Variants in FUT8 observed in about 807,000 individuals in gnomAD.
The protein encoded by FUT8 is alpha-(1,6)-fucosyltransferase.
FUT8 carries 29 observed loss-of-function variants against 71.3 expected under a neutral mutation model. The ratio of observed to expected loss-of-function variants is 0.41; its 90% CI spans 0.30 to 0.55. The LOEUF is 0.55. FUT8 is among the 20% of genes least tolerant of loss of function. The probability of loss-of-function intolerance (pLI) is 0.34; values close to 1 mark genes in which losing one functional copy is unlikely to be tolerated. For synonymous variants in FUT8, 254 were observed against 239.3 expected (o/e 1.06, Z -0.57); for missense variants, 544 against 702.1 (o/e 0.77, Z 2.55).
At chr14:65,358,916 A>G in the FUT8 span, among the ~76,000 whole-genome samples, 3 of 152,246 alleles carry the variant, frequency 2.0e-5, no homozygotes, top group Admixed American at 6.5e-5. Context: ...AATACTTAAC[A>G]GCATATGGTT....
rs2066071402 is a variant in FUT8 at position 65,467,966 on chromosome 14, G to A, written c.-228+12248G>A. ...TCTTTTTCCGATCATTTTCCTTTAC[G>A]TGTTTCAGGAAGCTATTTTGGCTCT... On this transcript the variant is annotated intron_variant, in intron 2 of 10. Coordinates refer to ENST00000673929, the MANE Select transcript of FUT8 (RefSeq NM_001371533.1). The surrounding 1 kb of genome is among the most constrained non-coding windows in gnomAD (Gnocchi z 4.1). 2.2e-5 allele frequency: 16 copies of A among 712,006 alleles called. No individual in the cohort carries two copies. Among genetic ancestry groups the A allele is most frequent in the South Asian group, 2.8e-5 (2 of 70,688 alleles). The allele number at this position is 712,006 out of a possible 1,614,324, so 44.1% of individuals were successfully genotyped here.
intron 2 of FUT8, among the ~76,000 whole-genome samples, chr14:65,536,686 G>A (rs1488465161): frequency 1.3e-5 from 2 of 152,076 alleles, no homozygotes; most frequent in African/African-American, 4.8e-5. Context: ...CCTTTAACAT[G>A]TTTTCTTTCA....
At chr14:65,562,935 G>C (rs1885990295) in intron 3 of FUT8, among the ~76,000 whole-genome samples, 1 of 151,960 alleles carries the variant, frequency 6.6e-6, no homozygotes, top group African/African-American at 2.4e-5. Flanking sequence ...TACTCTCACT[G>C]CCCTTCACTC....
chr14:65,729,093 A>T (rs1323335772), intron 9 of FUT8, among the ~76,000 whole-genome samples: 1 of 132,480 alleles, frequency 7.5e-6, no homozygotes, highest in South Asian at 2.3e-4. Context: ...TGGTGCAAGC[A>T]TGGCTCACTG....
At chr14:65,718,523 A>G (rs1014079645) in intron 7 of FUT8, among the ~76,000 whole-genome samples, 1 of 152,216 alleles carries the variant, frequency 6.6e-6, no homozygotes, top group Non-Finnish European at 1.5e-5. Context: ...CAGTGTTATA[A>G]AATTATGTGG....
At chr14:65,471,253 A>T in intron 2 of FUT8, 1 of 171,388 alleles carries the variant, frequency 5.8e-6, no homozygotes. Context: ...ATGGGGCTGG[A>T]GTTGGGTATT....
At position 65,472,280 on chromosome 14, in the gene FUT8, C is replaced by T. The variant is rs2066159304; in HGVS notation, c.-228+16562C>T. The stretch of plus-strand genomic sequence containing the variant: ...GAGGGGCCCTGGCTCTTTTTAACAA[C>T]CAGCTCTTGGGGGAACAAATAGAGT... On this transcript the variant is annotated intron_variant, in intron 2 of 10. Coordinates refer to ENST00000673929, the MANE Select transcript of FUT8 (RefSeq NM_001371533.1). This position sits in a 1 kb window ranked among gnomAD's most constrained non-coding sequence, Gnocchi z 4.4. 6.6e-6 allele frequency among the ~76,000 whole-genome samples: 1 copy of T among 151,998 alleles called. No individual in the cohort carries two copies. The highest frequency in any genetic ancestry group is 2.4e-5 in the African/African-American group (1 of 41,392).
intron 3 of FUT8, among the ~76,000 whole-genome samples, chr14:65,573,149 A>G (rs759871534): frequency 6.6e-6 from 1 of 152,004 alleles, no homozygotes; most frequent in Non-Finnish European, 1.5e-5. Flanking sequence ...ATTTATTCTT[A>G]TTTATAGTAT....
Position 65,467,772 on chromosome 14 carries a change from C to A in FUT8, c.-228+12054C>A. The stretch of plus-strand genomic sequence containing the variant: ...TACAGGTGTGAGCCACCGTGCCCAG[C>A]CAGTCTAGAGGTCTTTTATTTTTTT... On this transcript the variant is annotated intron_variant, in intron 2 of 10. Transcript: ENST00000673929. The surrounding 1 kb of genome is among the most constrained non-coding windows in gnomAD (Gnocchi z 4.1). 3.1e-6 allele frequency: 2 copies of A among 641,372 alleles called. No homozygotes were observed. The highest frequency in any genetic ancestry group is 5.9e-6 in the Non-Finnish European group (2 of 340,176). 39.7% of individuals were successfully genotyped at this position (641,372 alleles called of 1,614,324 possible). A position where few individuals can be genotyped will look rare whatever the true frequency, so the allele number is the denominator to read the frequency against.
Position 65,503,227 on chromosome 14 carries a change from C to T in FUT8, c.-228+47509C>T, listed in dbSNP as rs532052706. On this transcript the variant is annotated intron_variant, in intron 2 of 10. Coordinates refer to ENST00000673929, the MANE Select transcript of FUT8 (RefSeq NM_001371533.1). ...TATCACTTGTAATTTTCCTGGAAGGCGTGAGACTGCTTGGTAATTGTGTAC... is the reference window on the plus strand; with the variant it reads ...TATCACTTGTAATTTTCCTGGAAGGTGTGAGACTGCTTGGTAATTGTGTAC... 1.2e-4 allele frequency among the ~76,000 whole-genome samples: 19 copies of T among 152,288 alleles called. 1 individual carries two copies. The South Asian group carries it at 3.3e-3, about 27-fold the overall frequency.
chr14:65,521,251 G>A (rs1232468477), intron 2 of FUT8, among the ~76,000 whole-genome samples: 1 of 152,028 alleles, frequency 6.6e-6, no homozygotes, highest in Non-Finnish European at 1.5e-5. Flanking sequence ...GAAACAAAAT[G>A]CTTGAATTAA....
At chr14:65,465,423 T>C (rs902486665) in intron 2 of FUT8, among the ~76,000 whole-genome samples, 1 of 152,120 alleles carries the variant, frequency 6.6e-6, no homozygotes, top group African/African-American at 2.4e-5. Flanking sequence ...CCTCCTGCCT[T>C]AGCCTCCCAA....
chr14:65,425,425 C>T (rs2065369163), intron 1 of FUT8, among the ~76,000 whole-genome samples: 1 of 150,264 alleles, frequency 6.7e-6, no homozygotes, highest in Admixed American at 6.6e-5. Flanking sequence ...GCCTCGCCCT[C>T]CCAAAGTGCT....
At chr14:65,619,174 A>T (rs1218453814) in intron 5 of FUT8, among the ~76,000 whole-genome samples, 1 of 152,176 alleles carries the variant, frequency 6.6e-6, no homozygotes, top group African/African-American at 2.4e-5. Context: ...AGATCATAAT[A>T]GTAGTAGTAA....
chr14:65,565,308 G>A (rs1886132315), intron 3 of FUT8, among the ~76,000 whole-genome samples: 1 of 151,702 alleles, frequency 6.6e-6, no homozygotes, highest in African/African-American at 2.4e-5. Flanking sequence ...TGCCAATACT[G>A]CCATGTTGGG....
At chr14:65,445,669 G>T (rs184733449) in intron 1 of FUT8, among the ~76,000 whole-genome samples, 1 of 152,188 alleles carries the variant, frequency 6.6e-6, no homozygotes, top group Non-Finnish European at 1.5e-5. Context: ...TACTTTATAA[G>T]GCATTTGGTC....
At chr14:65,366,573 C>T in the FUT8 span, among the ~76,000 whole-genome samples, 1 of 152,142 alleles carries the variant, frequency 6.6e-6, no homozygotes, top group Admixed American at 6.5e-5. Context: ...CCTACCACAG[C>T]TCTGTGCTTT....
At chr14:65,461,688 C>T (rs948716316) in intron 2 of FUT8, among the ~76,000 whole-genome samples, 2 of 152,110 alleles carry the variant, frequency 1.3e-5, no homozygotes, top group African/African-American at 4.8e-5. Context: ...TACTGATACA[C>T]CAGGAGTTCA....
the FUT8 span, among the ~76,000 whole-genome samples, chr14:65,361,443 A>G: frequency 4.6e-5 from 7 of 151,468 alleles, no homozygotes; most frequent in African/African-American, 1.7e-4. Flanking sequence ...CTATTGTCCT[A>G]AGTAAGGGCA....
Sources: allele counts gnomAD v4.1 joint callset (sites outside exome capture counted in the v4.1 genomes callset), GRCh38; gene constraint gnomAD v4.1.1; non-coding constraint Gnocchi (gnomAD v3.1); transcripts MANE v1.5; gene names NCBI Gene and HGNC (gene_info 2026-07-23, HGNC 2026-07-21).